Variants in MYO7B observed in about 807,000 individuals in gnomAD.
MYO7B encodes the protein unconventional myosin-VIIb.
MYO7B carries 212 observed loss-of-function variants against 259.7 expected under a neutral mutation model. That is an observed-to-expected ratio of 0.82 (90% CI 0.73 to 0.91). MYO7B has a LOEUF of 0.91. MYO7B is among the 40% of genes least tolerant of loss of function. The pLI is 0.00. For synonymous variants in MYO7B, 1,197 were observed against 1,166.4 expected, an observed-to-expected ratio of 1.03 and a Z score of -0.54; for missense variants, 2,732 against 2,813.5, an observed-to-expected ratio of 0.97 and a Z score of 0.66.
At chr2:127,605,021 A>T (rs552117944) in intron 19 of MYO7B, among the ~76,000 whole-genome samples, 1 of 152,374 alleles carries the variant, frequency 6.6e-6, no homozygotes, top group South Asian at 2.1e-4. Context: ...CACGGCTACC[A>T]CAGACCTTCA....
chr2:127,565,502 G>A (rs752191254), intron 4 of MYO7B, 117 bp downstream of exon 4: 174 of 1,350,378 alleles, frequency 1.3e-4, no homozygotes, highest in Non-Finnish European at 1.7e-4. Context: ...ACTGAGGGAG[G>A]TGGGCGAGGT....
chr2:127,587,615 C>G (rs1679354440), intron 14 of MYO7B, among the ~76,000 whole-genome samples: 2 of 142,856 alleles, frequency 1.4e-5, no homozygotes, highest in Non-Finnish European at 1.5e-5. Context: ...GTCACCCAAG[C>G]TGGAGTGCAA....
Position 127,584,070 on chromosome 2 carries a change from G to T in MYO7B, c.1344-52G>T. The T allele has an allele frequency of 6.5e-7, 1 of 1,528,102 alleles. No homozygotes were observed. The highest frequency in any genetic ancestry group is 2.4e-5 in the East Asian group (1 of 42,380). 94.7% of individuals were successfully genotyped at this position (1,528,102 alleles called of 1,614,324 possible). A position where few individuals can be genotyped will look rare whatever the true frequency, so the allele number is the denominator to read the frequency against. On this transcript the variant is annotated intron_variant, in intron 12 of 47. Transcript: ENST00000409816. The surrounding 1 kb of genome is among the most constrained non-coding windows in gnomAD (Gnocchi z 5.8). The stretch of plus-strand genomic sequence containing the variant: ...TCCTATGGCTCCAGCCTGCTGCAGC[G>T]GGGACTCAGCTGGCCCCACTCCACC...
At chr2:127,617,628 G>A (rs1245840081) in intron 26 of MYO7B, among the ~76,000 whole-genome samples, 1 of 146,020 alleles carries the variant, frequency 6.8e-6, no homozygotes, top group South Asian at 2.2e-4. Flanking sequence ...TCAGCCTCCC[G>A]AGTAGCTGGG....
chr2:127,574,672 G>T (rs561002620), intron 7 of MYO7B, among the ~76,000 whole-genome samples: 9 of 152,326 alleles, frequency 5.9e-5, no homozygotes, highest in Admixed American at 5.2e-4. Flanking sequence ...CTTCAGGTAT[G>T]TTAGGGGACA....
Position 127,565,297 on chromosome 2 carries a change from G to T in MYO7B, c.197G>T (p.Gly66Val). 2 of 1,614,056 alleles carry T rather than the reference G, an allele frequency of 1.2e-6. No homozygotes were observed. The highest frequency in any genetic ancestry group is 1.7e-6 in the Non-Finnish European group (2 of 1,179,884). ...LSPMHPNSVQ[G>V]VDDMIRLGDL... The stretch of plus-strand genomic sequence containing the variant: ...CCCATGCACCCCAACTCAGTCCAGG[G>T]TGTGGACGACATGATCCGCCTGGGG... Residue 66 changes from glycine (G) to valine (V), a missense_variant, in exon 4 of 48, where the codon GGT becomes GTT. Around this residue, in one of 3 missense-constraint regions of MYO7B, gnomAD observed 1,906 missense variants for 2,026.4 expected, o/e 0.94. Transcript: ENST00000409816.
chr2:127,587,568 C>CTTTT (rs61624532), intron 14 of MYO7B, among the ~76,000 whole-genome samples: 83 of 122,382 alleles, frequency 6.8e-4, no homozygotes, highest in African/African-American at 8.1e-4. Flanking sequence ...TTCTTTCTTT[C>CTTTT]TTTTTTTTTT....
At position 127,634,242 on chromosome 2, in the gene MYO7B, C is replaced by G; in HGVS notation, c.5578C>G (p.Leu1860Val). The change falls in exon 41 of 48, where the codon CTG becomes GTG. Residue 1860 changes from leucine (L) to valine (V), a missense_variant. By Grantham distance (32) the Leu-to-Val change is conservative. Coordinates refer to ENST00000409816, the MANE Select transcript of MYO7B (RefSeq NM_001393586.1). ...VCDSIATRLQLASWEGCSLFI... is the reference protein window; with the variant it reads ...VCDSIATRLQVASWEGCSLFI... ...TGACAGCATTGCCACCAGGCTGCAGCTGGCCTCCTGGGAGGGCTGCAGCCT... is the reference window on the plus strand; with the variant it reads ...TGACAGCATTGCCACCAGGCTGCAGGTGGCCTCCTGGGAGGGCTGCAGCCT... The G allele has an allele frequency of 6.3e-7, 1 of 1,596,746 alleles. No individual in the cohort carries two copies. The highest frequency in any genetic ancestry group is 8.5e-7 in the Non-Finnish European group (1 of 1,175,000).
In MYO7B at chr2:127,628,378, C is replaced by T. The variant is rs750321015; in HGVS notation, c.4467C>T (p.Ala1489=). The T allele has an allele frequency of 7.5e-6, 12 of 1,600,092 alleles. No homozygotes were observed. The highest frequency in any genetic ancestry group is 9.4e-6 in the Non-Finnish European group (11 of 1,175,610). The change falls in exon 34 of 48, where the codon GCC becomes GCT. Residue 1489 remains alanine (A), a synonymous_variant. Transcript: ENST00000409816. The surrounding 1 kb of genome is among the most constrained non-coding windows in gnomAD (Gnocchi z 4.8). ...EVMGLATNRE[A]QGGQRLLLST... ...CGCTGTCCTTCATCTCCAGGGAGGC[C>T]CAGGGCGGGCAGAGGCTGCTGCTCT...
rs776222756 is a variant in MYO7B, at chr2:127,620,303, C to T, written c.3399-37C>T. The T allele has an allele frequency of 4.4e-6, 7 of 1,576,048 alleles. No individual in the cohort carries two copies. In the Admixed American group the frequency reaches 5.1e-5, roughly 12 times the overall value. ...ACCCCTGTCTCCTCTCCTCCTCCAG[C>T]CCCCAGCCTACTCTCCTAATGGTCT... On this transcript the variant is annotated intron_variant, in intron 26 of 47. Coordinates refer to ENST00000409816, the MANE Select transcript of MYO7B (RefSeq NM_001393586.1).
chr2:127,552,306 G>A (rs540587227), intron 1 of MYO7B, among the ~76,000 whole-genome samples: 9 of 152,276 alleles, frequency 5.9e-5, no homozygotes, highest in Non-Finnish European at 8.8e-5. Context: ...ATTTGAGGCC[G>A]TTTCCAGGCT....
chr2:127,620,427 C>A lies in MYO7B; in HGVS notation c.3486C>A (p.Leu1162=), dbSNP rs764456542. 1.7e-5 allele frequency: 26 copies of A among 1,557,800 alleles called. No homozygotes were observed. The African/African-American group carries it at 2.2e-4, about 13-fold the overall frequency. The change falls in exon 27 of 48, where the codon CTC becomes CTA. Residue 1162 remains leucine (L), a synonymous_variant. Coordinates refer to ENST00000409816, the MANE Select transcript of MYO7B (RefSeq NM_001393586.1). ...SLARGWILLS[L]CLGCFPPSER... Reference sequence around the variant, plus strand: ...CCCGGGGCTGGATCCTGCTCAGCCTCTGCCTCGGCTGCTTCCCACCCTCAG... The same window carrying A: ...CCCGGGGCTGGATCCTGCTCAGCCTATGCCTCGGCTGCTTCCCACCCTCAG...
In MYO7B at chr2:127,631,710, G is replaced by T; in HGVS notation, c.5206G>T (p.Val1736Phe). 1 of 1,612,982 alleles carries T rather than the reference G, an allele frequency of 6.2e-7. No individual in the cohort carries two copies. The highest frequency in any genetic ancestry group is 8.5e-7 in the Non-Finnish European group (1 of 1,179,842). ...GCAGCACCCGGCCCTCCAGGACGAG[G>T]TCTACTGCCAGATCCTGAAGCAGCT... is the stretch of plus-strand genomic sequence containing the variant. ...ALQHPALQDE[V>F]YCQILKQLTH... The change falls in exon 38 of 48, where the codon GTC becomes TTC. Residue 1736 changes from valine (V) to phenylalanine (F), a missense_variant. Physicochemically the swap from Val to Phe is conservative, Grantham distance 50. This residue lies in a region of MYO7B where 821 missense variants were observed against 769.3 expected (regional missense o/e 1.07). Coordinates refer to ENST00000409816, the MANE Select transcript of MYO7B (RefSeq NM_001393586.1).
At chr2:127,551,917 C>G (rs1013469723) in intron 1 of MYO7B, among the ~76,000 whole-genome samples, 17 of 152,126 alleles carry the variant, frequency 1.1e-4, no homozygotes, top group African/African-American at 3.9e-4. Context: ...CTGCTGAAGG[C>G]CTAGAGGAGG....
intron 1 of MYO7B, among the ~76,000 whole-genome samples, chr2:127,537,053 A>G (rs1291213313): frequency 6.6e-6 from 1 of 152,198 alleles, no homozygotes; most frequent in Non-Finnish European, 1.5e-5. Context: ...AAAGATCTTA[A>G]TTGGCTTTTA....
At chr2:127,553,575 T>C (rs915296542) in intron 1 of MYO7B, among the ~76,000 whole-genome samples, 1 of 152,266 alleles carries the variant, frequency 6.6e-6, no homozygotes, top group African/African-American at 2.4e-5. Flanking sequence ...TTTTGGTGTA[T>C]AGCAGAGCTA....
At chr2:127,630,340 A>C (rs1240214726) in intron 35 of MYO7B, among the ~76,000 whole-genome samples, 2 of 152,244 alleles carry the variant, frequency 1.3e-5, no homozygotes, top group Non-Finnish European at 2.9e-5. Flanking sequence ...AAGTGCCACC[A>C]AGGAGAGGAA....
intron 26 of MYO7B, among the ~76,000 whole-genome samples, chr2:127,619,830 AC>A (rs1680757904): frequency 6.6e-6 from 1 of 151,822 alleles, no homozygotes; most frequent in Non-Finnish European, 1.5e-5. Context: ...CCCCCAACAC[AC>A]CCCCACCAGG....
chr2:127,634,511 C>T (rs1401217648), intron 41 of MYO7B, 85 bp from the exon 42 acceptor site: 18 of 1,242,952 alleles, frequency 1.4e-5, no homozygotes, highest in South Asian at 6.5e-5. Flanking sequence ...AGGCCGTAGG[C>T]GGCCACTGGA....
Sources: allele counts gnomAD v4.1 joint callset (sites outside exome capture counted in the v4.1 genomes callset), GRCh38; gene constraint gnomAD v4.1.1; regional missense constraint gnomAD v4.1.1; non-coding constraint Gnocchi (gnomAD v3.1); transcripts MANE v1.5; gene names NCBI Gene and HGNC (gene_info 2026-07-23, HGNC 2026-07-21).